Variants in CD81 observed in about 807,000 individuals in gnomAD.
CD81 encodes the protein CD81 molecule.
A neutral mutation model predicts 30.1 loss-of-function variants in CD81; 10 were observed. The ratio of observed to expected loss-of-function variants is 0.33; its 90% CI spans 0.21 to 0.56. CD81 has a LOEUF of 0.56. Ranked by LOEUF, CD81 falls within the 20% of genes least tolerant of loss-of-function variation. The pLI, the probability that CD81 is intolerant of heterozygous loss-of-function variation, is 0.89. For missense variants in CD81, 263 were observed against 308.7 expected (o/e 0.85, Z 1.11); for synonymous variants, 147 against 126.4 (o/e 1.16, Z -1.10).
chr11:2,377,707 G>A lies in CD81; in HGVS notation c.66+92G>A. The A allele has an allele frequency of 3.9e-6, 3 of 774,340 alleles. No individual in the cohort carries two copies. Among genetic ancestry groups the A allele is most frequent in the Non-Finnish European group, 3.7e-6 (2 of 546,104 alleles). The allele number at this position is 774,340 out of a possible 1,614,324, so 48.0% of individuals were successfully genotyped here. ...CGGCAGCGTGCTAGGCCCCGCGGGC[G>A]CAGCGCGGGCCGCGAAGTTGTGGGG... On this transcript the variant is annotated intron_variant, in intron 1 of 7. Coordinates refer to ENST00000263645, the MANE Select transcript of CD81 (RefSeq NM_004356.4). The surrounding 1 kb of genome is among the most constrained non-coding windows in gnomAD (Gnocchi z 7.7).
chr11:2,396,944 C>A lies in CD81; in HGVS notation c.*78C>A. 7.5e-7 allele frequency: 1 copy of A among 1,327,938 alleles called. No homozygotes were observed. Among genetic ancestry groups the A allele is most frequent in the Non-Finnish European group, 1.1e-6 (1 of 929,334 alleles). 82.3% of individuals were successfully genotyped at this position (1,327,938 alleles called of 1,614,324 possible). ...GACACTTCCGAGGGGGCCATCACCG[C>A]CTGTGTATATAACGTTTCCGGTATT... On this transcript the variant is annotated 3_prime_UTR_variant, in exon 8 of 8. Coordinates refer to ENST00000263645, the MANE Select transcript of CD81 (RefSeq NM_004356.4).
At chr11:2,389,694 C>G (rs767927274) in intron 1 of CD81, among the ~76,000 whole-genome samples, 13 of 152,046 alleles carry the variant, frequency 8.6e-5, no homozygotes, top group Non-Finnish European at 1.6e-4. Context: ...CCCAGCCCAT[C>G]TTGGAAACCA....
intron 1 of CD81, among the ~76,000 whole-genome samples, chr11:2,388,260 G>A (rs1283739268): frequency 4.6e-5 from 7 of 152,228 alleles, no homozygotes. Context: ...CCGGAGGAGG[G>A]GAGACAGGAG....
intron 1 of CD81, among the ~76,000 whole-genome samples, chr11:2,384,328 C>A (rs1849750452): frequency 2.4e-5 from 1 of 42,436 alleles, no homozygotes; most frequent in African/African-American, 9.1e-5. Context: ...CGGGGTGTCT[C>A]GGGAAGCGGG....
In CD81 at chr11:2,377,631, G is replaced by T; in HGVS notation, c.66+16G>T. On this transcript the variant is annotated intron_variant, in intron 1 of 7. Coordinates refer to ENST00000263645, the MANE Select transcript of CD81 (RefSeq NM_004356.4). This position sits in a 1 kb window ranked among gnomAD's most constrained non-coding sequence, Gnocchi z 7.7. Reference sequence around the variant, plus strand: ...CGTCTTCTGGGTAAGGGCTGCGCCGGGGGCCGGGGCGGGAGGGGGCAGGCA... The same window carrying T: ...CGTCTTCTGGGTAAGGGCTGCGCCGTGGGCCGGGGCGGGAGGGGGCAGGCA... 6.6e-7 allele frequency: 1 copy of T among 1,523,658 alleles called. No individual in the cohort carries two copies. The allele number at this position is 1,523,658 out of a possible 1,614,324, so 94.4% of individuals were successfully genotyped here.
rs981457728 is a variant in CD81, at chr11:2,378,705, C to A, written c.66+1090C>A. Among the ~76,000 whole-genome samples, 2 of 152,148 alleles carry A rather than the reference C, an allele frequency of 1.3e-5. No homozygotes were observed. Among genetic ancestry groups the A allele is most frequent in the Admixed American group, 1.3e-4 (2 of 15,282 alleles). On this transcript the variant is annotated intron_variant, in intron 1 of 7. Transcript: ENST00000263645. The surrounding 1 kb of genome is among the most constrained non-coding windows in gnomAD (Gnocchi z 4.9). Reference sequence around the variant, plus strand: ...CACGCCCCTGGGCATAGACTGCAAGCCCCTCCCCGTGCCCCCCAGGCTGTC... The same window carrying A: ...CACGCCCCTGGGCATAGACTGCAAGACCCTCCCCGTGCCCCCCAGGCTGTC...
Position 2,395,931 on chromosome 11 carries a change from G to A in CD81, c.522G>A (p.Leu174=), listed in dbSNP as rs1454511699. The A allele has an allele frequency of 6.2e-7, 1 of 1,612,482 alleles. No homozygotes were observed. The highest frequency in any genetic ancestry group is 8.5e-7 in the Non-Finnish European group (1 of 1,179,740). Residue 174 remains leucine (L), a synonymous_variant, in exon 6 of 8, where the codon TTG becomes TTA. Transcript: ENST00000263645. ...ALTTSVLKNN[L]CPSGSNIISN... Reference sequence around the variant, plus strand: ...CCACCTCAGTGCTCAAGAACAATTTGTGTCCCTCGGGCAGCAACATCATCA... The same window carrying A: ...CCACCTCAGTGCTCAAGAACAATTTATGTCCCTCGGGCAGCAACATCATCA...
chr11:2,383,081 C>A (rs905053963), intron 1 of CD81, among the ~76,000 whole-genome samples: 1 of 152,184 alleles, frequency 6.6e-6, no homozygotes, highest in Non-Finnish European at 1.5e-5. Context: ...CTCACATCCC[C>A]CAGCTGGCGG....
In CD81 at chr11:2,395,419, G is replaced by A. The variant is rs746119080; in HGVS notation, c.358G>A (p.Ala120Thr). 97 of 1,611,782 alleles carry A rather than the reference G, an allele frequency of 6.0e-5. No individual in the cohort carries two copies. Among genetic ancestry groups the A allele is most frequent in the Non-Finnish European group, 7.5e-5 (89 of 1,179,140 alleles). ...IWGFVNKDQI[A>T]KDVKQFYDQA... ...TGTGACCGCACCCCTCCCCCAGATC[G>A]CCAAGGATGTGAAGCAGTTCTATGA... Residue 120 changes from alanine (A) to threonine (T), a missense_variant, in exon 5 of 8, where the codon GCC becomes ACC. Coordinates refer to ENST00000263645, the MANE Select transcript of CD81 (RefSeq NM_004356.4).
At chr11:2,379,090 C>T (rs2521256) in intron 1 of CD81, 20 of 448,808 alleles carry the variant, frequency 4.5e-5, no homozygotes, top group South Asian at 1.7e-4. Flanking sequence ...TCCCCAGGCC[C>T]GGCCCTGGGA....
rs892578572 is a variant in CD81, at chr11:2,396,459, C to G, written c.562-169C>G. 4 of 670,222 alleles carry G rather than the reference C, an allele frequency of 6.0e-6. No homozygotes were observed. The African/African-American group carries it at 7.1e-5, about 12-fold the overall frequency. The allele number at this position is 670,222 out of a possible 1,614,324, so 41.5% of individuals were successfully genotyped here. On this transcript the variant is annotated intron_variant, in intron 6 of 7. Transcript: ENST00000263645. ...AAACGGGTGGAAGATAGCAAGCCGGCAGAGGCCGGGCCGCTGCACCCGCCT... is the reference window on the plus strand; with the variant it reads ...AAACGGGTGGAAGATAGCAAGCCGGGAGAGGCCGGGCCGCTGCACCCGCCT...
intron 1 of CD81, among the ~76,000 whole-genome samples, chr11:2,384,078 C>T (rs1183004428): frequency 6.6e-6 from 1 of 152,208 alleles, no homozygotes; most frequent in Non-Finnish European, 1.5e-5. Flanking sequence ...GGCAGGAACC[C>T]AGTGTGCTTG....
At chr11:2,379,005 C>T (rs1034358184) in intron 1 of CD81, among the ~76,000 whole-genome samples, 2 of 152,192 alleles carry the variant, frequency 1.3e-5, no homozygotes, top group African/African-American at 4.8e-5. Context: ...GCTTGGGACG[C>T]TGGTGGGAGT....
chr11:2,380,703 A>C (rs1214255712), intron 1 of CD81, among the ~76,000 whole-genome samples: 1 of 152,128 alleles, frequency 6.6e-6, no homozygotes, highest in African/African-American at 2.4e-5. Flanking sequence ...TGCCAGGAGC[A>C]GGGCAGGAGA....
In CD81 at chr11:2,395,497, G is replaced by A; in HGVS notation, c.436G>A (p.Val146Met). The A allele has an allele frequency of 1.2e-6, 2 of 1,612,650 alleles. No individual in the cohort carries two copies. Among genetic ancestry groups the A allele is most frequent in the Non-Finnish European group, 1.7e-6 (2 of 1,179,842 alleles). ...TGATGACGCCAACAACGCCAAGGCTGTGGTGAAGACCTTCCACGAGACGGT... is the reference window on the plus strand; with the variant it reads ...TGATGACGCCAACAACGCCAAGGCTATGGTGAAGACCTTCCACGAGACGGT... ...VDDDANNAKA[V>M]VKTFHETLDC... Residue 146 changes from valine to methionine, a missense_variant, in exon 5 of 8, where the codon GTG becomes ATG. Around this residue, in one of 3 missense-constraint regions of CD81, gnomAD observed 176 missense variants for 192.9 expected, o/e 0.91. Transcript: ENST00000263645.
intron 4 of CD81, 142 bp from the exon 5 acceptor site, chr11:2,395,274 G>C (rs897135115): frequency 1.3e-5 from 10 of 768,390 alleles, no homozygotes; most frequent in Middle Eastern, 3.4e-4. Context: ...TGAGAGTGCA[G>C]AGTCCTTGTC....
At chr11:2,386,029 G>A (rs775640480) in intron 1 of CD81, 26 of 716,840 alleles carry the variant, frequency 3.6e-5, no homozygotes, top group South Asian at 2.8e-4. Flanking sequence ...TACAGCCCCC[G>A]TTGTATGCGT....
At position 2,395,036 on chromosome 11, in the gene CD81, A is replaced by G. The variant is rs780721170; in HGVS notation, c.344A>G (p.Asn115Ser). The G allele has an allele frequency of 5.6e-6, 9 of 1,610,654 alleles. No individual in the cohort carries two copies. The highest frequency in any genetic ancestry group is 2.2e-5 in the South Asian group (2 of 91,004). The change falls in exon 4 of 8, where the codon AAC becomes AGC. Residue 115 changes from asparagine (N) to serine (S), a missense_variant. Transcript: ENST00000263645. ...GCCGCCGGCATCTGGGGCTTTGTCA[A>G]CAAGGACCAGGTGAGCCTGGGTGTG... ...EVAAGIWGFV[N>S]KDQIAKDVKQ...
At chr11:2,387,634 C>T (rs1262759434) in intron 1 of CD81, among the ~76,000 whole-genome samples, 2 of 152,104 alleles carry the variant, frequency 1.3e-5, no homozygotes, top group African/African-American at 4.8e-5. Context: ...CAGGAGCTGT[C>T]TGCCCCTGCA....
Sources: gnomAD v4.1 joint callset for allele counts (sites outside exome capture counted in the v4.1 genomes callset) on GRCh38, gnomAD v4.1.1 for gene constraint, gnomAD v4.1.1 regional missense constraint, Gnocchi (gnomAD v3.1) non-coding constraint, MANE v1.5 for transcripts, NCBI Gene and HGNC (gene_info 2026-07-23, HGNC 2026-07-21) for gene names.